AUTS2: variants seen among roughly 807,000 people sequenced by gnomAD.
AUTS2 encodes the protein activator of transcription and developmental regulator AUTS2, also known as autism susceptibility gene 2 protein.
A neutral mutation model predicts 112.4 loss-of-function variants in AUTS2; 17 were observed. The ratio of observed to expected loss-of-function variants is 0.15; its 90% CI spans 0.10 to 0.23. The LOEUF (loss-of-function observed/expected upper bound fraction) is 0.23, where lower values mean the gene tolerates loss of function less well. Among genes scored for constraint, AUTS2 ranks in the 10% least tolerant of loss-of-function variants. The pLI is 1.00. For missense variants in AUTS2, 1,510 were observed against 1,701.6 expected, an observed-to-expected ratio of 0.89 and a Z score of 1.98; for synonymous variants, 751 against 702.7, an observed-to-expected ratio of 1.07 and a Z score of -1.09.
chr7:69,784,114 C>G lies in AUTS2; in HGVS notation c.310-115172C>G, dbSNP rs115802638. On this transcript the variant is annotated intron_variant, in intron 1 of 18. Coordinates refer to ENST00000342771, the MANE Select transcript of AUTS2 (RefSeq NM_015570.4). Reference sequence around the variant, plus strand: ...AAAATGACACCGAACGTTGTCTACACAGGCTTGGAAACATGGAGGGCCTGG... The same window carrying G: ...AAAATGACACCGAACGTTGTCTACAGAGGCTTGGAAACATGGAGGGCCTGG... Among the ~76,000 whole-genome samples, 631 of 152,280 alleles carry G rather than the reference C, an allele frequency of 4.1e-3. 7 individuals carry two copies. Among genetic ancestry groups the G allele is most frequent in the East Asian group, 0.012 (64 of 5,182 alleles).
chr7:70,377,340 A>ATATATATATG (rs1793145102), intron 4 of AUTS2, among the ~76,000 whole-genome samples: 1 of 65,382 alleles, frequency 1.5e-5, no homozygotes, highest in Non-Finnish European at 3.1e-5. Context: ...ATATATATAT[A>ATATATATATG]TATATATATA....
chr7:70,611,279 T>C (rs1050489989), intron 5 of AUTS2, among the ~76,000 whole-genome samples: 4 of 152,206 alleles, frequency 2.6e-5, no homozygotes, highest in Admixed American at 1.3e-4. Flanking sequence ...GTGTTACTTG[T>C]AGAGTGTACC....
At chr7:69,913,464 T>A (rs1353041362) in intron 2 of AUTS2, among the ~76,000 whole-genome samples, 2 of 152,188 alleles carry the variant, frequency 1.3e-5, no homozygotes, top group East Asian at 3.8e-4. Context: ...CTGTTTTGAG[T>A]TGGAGGTATA....
chr7:69,851,232 G>A (rs905613480), intron 1 of AUTS2, among the ~76,000 whole-genome samples: 1 of 152,116 alleles, frequency 6.6e-6, no homozygotes, highest in African/African-American at 2.4e-5. Context: ...GTCCCTTACT[G>A]TATTGATTAC....
intron 2 of AUTS2, among the ~76,000 whole-genome samples, chr7:69,916,445 A>T (rs1223751113): frequency 6.6e-6 from 1 of 152,184 alleles, no homozygotes; most frequent in Non-Finnish European, 1.5e-5. Context: ...TACAGCTTCC[A>T]TTTAAATGTT....
intron 2 of AUTS2, among the ~76,000 whole-genome samples, chr7:69,915,749 C>T (rs968640464): frequency 4.6e-5 from 7 of 152,102 alleles, no homozygotes; most frequent in African/African-American, 9.7e-5. Flanking sequence ...TTTATTGAGA[C>T]GGAGTCTCAC....
At chr7:70,010,399 G>A (rs978722574) in intron 2 of AUTS2, among the ~76,000 whole-genome samples, 2 of 152,116 alleles carry the variant, frequency 1.3e-5, no homozygotes, top group Non-Finnish European at 2.9e-5. Context: ...TCCTGCTTCG[G>A]CCTCCCAAAG....
In AUTS2 at chr7:70,662,931, C is replaced by T. The variant is rs575749803; in HGVS notation, c.691-35638C>T. On this transcript the variant is annotated intron_variant, in intron 5 of 18. Transcript: ENST00000342771. ...AACCTAGTTGTGGAAGAAAAGATAC[C>T]TGTATTTTGCTCTTATTACTTGCTA... Among the ~76,000 whole-genome samples the T allele has an allele frequency of 2.0e-5, 3 of 152,300 alleles. 1 individual carries two copies. The South Asian group carries it at 6.2e-4, about 32-fold the overall frequency.
intron 4 of AUTS2, among the ~76,000 whole-genome samples, chr7:70,183,810 A>G (rs539278719): frequency 4.0e-5 from 6 of 151,686 alleles, no homozygotes; most frequent in East Asian, 2.0e-4. Flanking sequence ...TAGGAGGTAA[A>G]ATTGTCCTTT....
intron 2 of AUTS2, among the ~76,000 whole-genome samples, chr7:70,107,520 T>G (rs921852255): frequency 2.7e-4 from 41 of 150,238 alleles, no homozygotes; most frequent in East Asian, 8.1e-4. Flanking sequence ...ATTTTTGTAT[T>G]TTTAGTAGAG....
At chr7:69,656,610 G>A (rs764484650) in intron 1 of AUTS2, among the ~76,000 whole-genome samples, 3 of 152,094 alleles carry the variant, frequency 2.0e-5, no homozygotes, top group Non-Finnish European at 2.9e-5. Flanking sequence ...ATGAGATGTA[G>A]CCTTGCTCCT....
chr7:69,633,489 A>G (rs1185965974), intron 1 of AUTS2, among the ~76,000 whole-genome samples: 1 of 152,114 alleles, frequency 6.6e-6, no homozygotes, highest in African/African-American at 2.4e-5. Flanking sequence ...GGTCATATGG[A>G]AGTTCTATTT....
intron 5 of AUTS2, among the ~76,000 whole-genome samples, chr7:70,643,467 A>G (rs771845703): frequency 6.6e-6 from 1 of 152,190 alleles, no homozygotes; most frequent in African/African-American, 2.4e-5. Flanking sequence ...GCTACCCAGG[A>G]GGCTGCAGGA....
At chr7:70,537,830 G>C (rs1370595221) in intron 5 of AUTS2, among the ~76,000 whole-genome samples, 1 of 152,168 alleles carries the variant, frequency 6.6e-6, no homozygotes, top group Non-Finnish European at 1.5e-5. Flanking sequence ...TAAGAAGGAC[G>C]TAAAAATTTC....
At chr7:70,486,008 TAAATAAATA>T (rs1797982537) in intron 5 of AUTS2, among the ~76,000 whole-genome samples, 1 of 151,088 alleles carries the variant, frequency 6.6e-6, no homozygotes. Context: ...AAATAATAAA[TAAATAAATA>T]AATAAATAAA....
intron 1 of AUTS2, among the ~76,000 whole-genome samples, chr7:69,610,907 T>G (rs992530234): frequency 6.6e-6 from 1 of 152,176 alleles, no homozygotes; most frequent in Non-Finnish European, 1.5e-5. Flanking sequence ...GCATTGTTAT[T>G]AGGGAAGTCA....
intron 4 of AUTS2, among the ~76,000 whole-genome samples, chr7:70,306,977 A>G (rs754045231): frequency 1.3e-5 from 2 of 152,164 alleles, no homozygotes; most frequent in Non-Finnish European, 2.9e-5. Flanking sequence ...AAAGATCGAA[A>G]AAGAAAAAAT....
intron 4 of AUTS2, among the ~76,000 whole-genome samples, chr7:70,230,303 G>A (rs1811980667): frequency 6.6e-6 from 1 of 152,086 alleles, no homozygotes; most frequent in Non-Finnish European, 1.5e-5. Context: ...TTACTGGAAT[G>A]GTTCTGTGCA....
At chr7:69,887,413 CAAAAAAAAA>C (rs142082810) in intron 1 of AUTS2, among the ~76,000 whole-genome samples, 4 of 53,050 alleles carry the variant, frequency 7.5e-5, no homozygotes, top group African/African-American at 2.4e-4. Context: ...AAGACTTCAT[CAAAAAAAAA>C]AAAAAAAAAA....
Sources: allele counts gnomAD v4.1 joint callset (sites outside exome capture counted in the v4.1 genomes callset), GRCh38; gene constraint gnomAD v4.1.1; transcripts MANE v1.5; gene names NCBI Gene and HGNC (gene_info 2026-07-23, HGNC 2026-07-21).